Variants in PAM observed in about 807,000 individuals in gnomAD.
The protein encoded by PAM is peptidylglycine alpha-amidating monooxygenase, also known as peptidyl-glycine alpha-amidating monooxygenase.
In PAM, 72 loss-of-function variants were observed where a neutral mutation model predicts 122.1. The observed-to-expected ratio is 0.59, with a 90% confidence interval of 0.49 to 0.72. PAM has a LOEUF of 0.72. Among genes scored for constraint, PAM ranks in the 30% least tolerant of loss-of-function variants. The pLI is 0.00. For synonymous variants in PAM, 389 were observed against 404.4 expected (o/e 0.96, Z 0.46); for missense variants, 1,106 against 1,183.7 (o/e 0.93, Z 0.96).
At chr5:102,821,115 G>T (rs1771754931) in intron 1 of PAM, among the ~76,000 whole-genome samples, 1 of 152,104 alleles carries the variant, frequency 6.6e-6, no homozygotes, top group South Asian at 2.1e-4. Context: ...TTTTCATTTT[G>T]TTTGACTATA....
chr5:102,997,934 T>G (rs1047606266), intron 16 of PAM, among the ~76,000 whole-genome samples: 1 of 152,218 alleles, frequency 6.6e-6, no homozygotes, highest in Non-Finnish European at 1.5e-5. Flanking sequence ...TTATTTATAT[T>G]TACTCCTTAA....
chr5:103,000,861 A>G lies in PAM; in HGVS notation c.1614-2172A>G, dbSNP rs140429291. On this transcript the variant is annotated intron_variant, in intron 16 of 25. Coordinates refer to ENST00000438793, the MANE Select transcript of PAM (RefSeq NM_001177306.2). ...AATTACTTTCCACCAAGTCCCTCCC[A>G]TGACATGTGGGGATTATGGAAACTA... Among the ~76,000 whole-genome samples, 62 of 152,308 alleles carry G rather than the reference A, an allele frequency of 4.1e-4. 1 individual carries two copies. The East Asian group carries it at 0.01, about 25-fold the overall frequency.
chr5:102,927,119 C>T (rs1411860366), intron 7 of PAM, among the ~76,000 whole-genome samples: 5 of 151,964 alleles, frequency 3.3e-5, no homozygotes, highest in East Asian at 1.9e-4. Flanking sequence ...TCTATCCATA[C>T]GTGGCACTTC....
At chr5:102,866,458 T>G in intron 2 of PAM, 174 bp downstream of exon 2, 1 of 602,482 alleles carries the variant, frequency 1.7e-6, no homozygotes, top group Non-Finnish European at 3.0e-6. Context: ...CCCACTGCAT[T>G]GTAGCCAAGC....
At chr5:102,901,855 G>A (rs773111205) in intron 4 of PAM, among the ~76,000 whole-genome samples, 11 of 151,474 alleles carry the variant, frequency 7.3e-5, no homozygotes, top group Non-Finnish European at 1.6e-4. Context: ...AAGGAGAGAG[G>A]GAGGAAGGGA....
chr5:102,784,092 AC>A (rs1193287784), intron 1 of PAM, among the ~76,000 whole-genome samples: 1 of 151,896 alleles, frequency 6.6e-6, no homozygotes, highest in African/African-American at 2.4e-5. Context: ...ATGGGGTTTC[AC>A]CGTGTTAGCC....
At chr5:102,775,584 A>T (rs1250217575) in intron 1 of PAM, among the ~76,000 whole-genome samples, 1 of 152,040 alleles carries the variant, frequency 6.6e-6, no homozygotes, top group African/African-American at 2.4e-5. Context: ...GAGTGAGAAC[A>T]TGTGGTGTTT....
At chr5:103,026,605 T>C (rs988099882) in intron 24 of PAM, among the ~76,000 whole-genome samples, 1 of 152,224 alleles carries the variant, frequency 6.6e-6, no homozygotes, top group Non-Finnish European at 1.5e-5. Context: ...CATGGTGTTA[T>C]ATAGATGCTT....
At chr5:102,841,207 C>T (rs1485154804) in intron 1 of PAM, among the ~76,000 whole-genome samples, 1 of 152,108 alleles carries the variant, frequency 6.6e-6, no homozygotes, top group Non-Finnish European at 1.5e-5. Context: ...TTTCAGGCAA[C>T]TCATGCTAAT....
At chr5:102,905,056 T>C (rs919014293) in intron 4 of PAM, among the ~76,000 whole-genome samples, 29 of 151,726 alleles carry the variant, frequency 1.9e-4, no homozygotes, top group Non-Finnish European at 3.5e-4. Flanking sequence ...ATATGTTTTA[T>C]ATTTTGAACA....
At chr5:102,949,723 G>C (rs2150064486) in intron 10 of PAM, 106 bp downstream of exon 10, 2 of 745,376 alleles carry the variant, frequency 2.7e-6, no homozygotes, top group East Asian at 2.5e-5. Context: ...CAATGAAAGT[G>C]ATTTCATATA....
At chr5:102,819,212 G>A (rs1418371884) in intron 1 of PAM, among the ~76,000 whole-genome samples, 1 of 152,114 alleles carries the variant, frequency 6.6e-6, no homozygotes, top group African/African-American at 2.4e-5. Context: ...TTCTGTTCAA[G>A]TGATGAAATA....
chr5:102,959,728 A>G (rs1761901739), intron 12 of PAM, 147 bp from the exon 13 acceptor site: 1 of 597,878 alleles, frequency 1.7e-6, no homozygotes, highest in African/African-American at 1.9e-5. Context: ...GAAAACTGTG[A>G]TGGGTTTTAA....
chr5:102,993,268 T>C (rs1281539024), intron 16 of PAM, among the ~76,000 whole-genome samples: 1 of 152,104 alleles, frequency 6.6e-6, no homozygotes, highest in Non-Finnish European at 1.5e-5. Context: ...TAGGGCAGCA[T>C]GGCAGCTAGA....
intron 16 of PAM, among the ~76,000 whole-genome samples, chr5:102,997,363 A>G (rs886272490): frequency 1.3e-5 from 2 of 152,124 alleles, no homozygotes; most frequent in Non-Finnish European, 2.9e-5. Context: ...TCAACAAAAA[A>G]TAAATTATCT....
At chr5:103,009,571 A>T (rs1466883137) in intron 20 of PAM, among the ~76,000 whole-genome samples, 180 bp from the exon 21 acceptor site, 1 of 152,196 alleles carries the variant, frequency 6.6e-6, no homozygotes, top group Non-Finnish European at 1.5e-5. Context: ...TCCTCTAACC[A>T]GTTTGCCACT....
intron 1 of PAM, among the ~76,000 whole-genome samples, chr5:102,790,016 T>C (rs532424704): frequency 6.6e-6 from 1 of 152,210 alleles, no homozygotes; most frequent in East Asian, 1.9e-4. Flanking sequence ...TTTGCCCATA[T>C]TTAAAAAATA....
In PAM at chr5:103,003,168, G is replaced by T; in HGVS notation, c.1730+19G>T. The T allele has an allele frequency of 9.4e-7, 1 of 1,066,474 alleles. No individual in the cohort carries two copies. The highest frequency in any genetic ancestry group is 1.5e-6 in the Non-Finnish European group (1 of 679,804). 66.1% of individuals were successfully genotyped at this position (1,066,474 alleles called of 1,614,324 possible). ...AAAATCTGTGAGTTAAATGACTTAT[G>T]TTGTTAAGACTTGTACTACATATAT... On this transcript the variant is annotated intron_variant, in intron 17 of 25. Transcript: ENST00000438793.
intron 15 of PAM, among the ~76,000 whole-genome samples, chr5:102,988,025 A>G (rs1772511204): frequency 6.6e-6 from 1 of 152,124 alleles, no homozygotes; most frequent in Non-Finnish European, 1.5e-5. Flanking sequence ...ACACTATATG[A>G]TCATTGTTAA....
Sources: allele counts gnomAD v4.1 joint callset (sites outside exome capture counted in the v4.1 genomes callset), GRCh38; gene constraint gnomAD v4.1.1; transcripts MANE v1.5; gene names NCBI Gene and HGNC (gene_info 2026-07-23, HGNC 2026-07-21).